CLIC4: variants seen among roughly 807,000 people sequenced by gnomAD.
CLIC4 encodes chloride intracellular channel protein 4.
In CLIC4, 13 loss-of-function variants were observed where a neutral mutation model predicts 24.6. The ratio of observed to expected loss-of-function variants is 0.53; its 90% confidence interval spans 0.34 to 0.84. The LOEUF is 0.84. Among genes scored for constraint, CLIC4 ranks in the 40% least tolerant of loss-of-function variants. CLIC4 has a pLI of 0.01. For synonymous variants in CLIC4, 104 were observed against 111.3 expected (o/e 0.93, Z 0.41); for missense variants, 227 against 301.7 (o/e 0.75, Z 1.83).
chr1:24,768,902 CCAAA>C (rs1639039693), intron 1 of CLIC4, among the ~76,000 whole-genome samples: 1 of 59,432 alleles, frequency 1.7e-5, no homozygotes. Flanking sequence ...CTCTGCCTCA[CCAAA>C]AAAAAAAAAA....
intron 2 of CLIC4, among the ~76,000 whole-genome samples, chr1:24,805,692 C>A (rs997759425): frequency 6.6e-6 from 1 of 152,102 alleles, no homozygotes; most frequent in Non-Finnish European, 1.5e-5. Flanking sequence ...GGGTCATCTT[C>A]AAGAGCCAGC....
chr1:24,782,507 TAAAA>T (rs556982611), intron 1 of CLIC4, among the ~76,000 whole-genome samples: 1 of 141,540 alleles, frequency 7.1e-6, no homozygotes. Context: ...GGTGAATGAA[TAAAA>T]AAAAAAAAGT....
intron 1 of CLIC4, among the ~76,000 whole-genome samples, chr1:24,746,625 C>T (rs962533865): frequency 1.3e-5 from 2 of 152,164 alleles, no homozygotes; most frequent in African/African-American, 4.8e-5. Context: ...AGGCAACATA[C>T]CGGAAAGTAA....
chr1:24,758,704 C>T (rs1327054759), intron 1 of CLIC4, among the ~76,000 whole-genome samples: 3 of 152,088 alleles, frequency 2.0e-5, no homozygotes, highest in East Asian at 1.9e-4. Flanking sequence ...GTGATCTGCC[C>T]GCCTTGGCCT....
At position 24,797,866 on chromosome 1, in the gene CLIC4, C is replaced by T; in HGVS notation, c.182+15C>T. On this transcript the variant is annotated intron_variant, in intron 2 of 5. Transcript: ENST00000374379. ...GACCTGAAAAGGTAAGACATGGTCG[C>T]AGTTTGCAATCAACTTAAGCTGAAC... 6.4e-7 allele frequency: 1 copy of T among 1,561,088 alleles called. No individual in the cohort carries two copies. The highest frequency in any genetic ancestry group is 1.1e-5 in the South Asian group (1 of 88,316).
At chr1:24,758,168 A>T (rs1412599901) in intron 1 of CLIC4, among the ~76,000 whole-genome samples, 1 of 152,112 alleles carries the variant, frequency 6.6e-6, no homozygotes, top group African/African-American at 2.4e-5. Flanking sequence ...TGCTCTTTTT[A>T]AAAAAGTGTC....
chr1:24,836,077 A>G (rs567248143), intron 4 of CLIC4, among the ~76,000 whole-genome samples: 37 of 152,360 alleles, frequency 2.4e-4, no homozygotes, highest in Non-Finnish European at 5.1e-4. Context: ...TGACAAAGCC[A>G]CACTGACATT....
chr1:24,796,267 A>G (rs1354624391), intron 1 of CLIC4, among the ~76,000 whole-genome samples: 2 of 151,806 alleles, frequency 1.3e-5, no homozygotes, highest in African/African-American at 4.8e-5. Context: ...CGGCTCAGTA[A>G]AATCTCTGCC....
rs766010308 is a variant in CLIC4, at chr1:24,840,847, A to G, written c.672A>G (p.Ala224=). The change falls in exon 6 of 6, where the codon GCA becomes GCG. Residue 224 remains alanine, a synonymous_variant. Coordinates refer to ENST00000374379, the MANE Select transcript of CLIC4 (RefSeq NM_013943.3). ...MTGIWRYLTN[A]YSRDEFTNTC... ...GCATCTGGAGATACCTAACTAATGC[A>G]TACAGTAGGGACGAGTTCACCAATA... 15 of 1,613,150 alleles carry G rather than the reference A, an allele frequency of 9.3e-6. No homozygotes were observed.
rs59529329 is a variant in CLIC4, at chr1:24,818,812, TAAAAAAAA to T, written c.308+4599_308+4606del. On this transcript the variant is annotated intron_variant, in intron 3 of 5. Coordinates refer to ENST00000374379, the MANE Select transcript of CLIC4 (RefSeq NM_013943.3). ...AGAGAACACTTGAACTGTCTTAATT[TAAAAAAAA>T]AAAAAGAAAAAAGATGTTCAGCAGT... is the stretch of plus-strand genomic sequence containing the variant. Among the ~76,000 whole-genome samples the T allele has an allele frequency of 2.7e-5, 4 of 146,518 alleles. No homozygotes were observed. The Admixed American group carries it at 2.7e-4, about 10-fold the overall frequency.
At chr1:24,779,217 C>G (rs981023375) in intron 1 of CLIC4, among the ~76,000 whole-genome samples, 6 of 152,110 alleles carry the variant, frequency 3.9e-5, no homozygotes, top group African/African-American at 1.4e-4. Context: ...CGCCTGTACT[C>G]CCAGCACGTT....
intron 2 of CLIC4, among the ~76,000 whole-genome samples, chr1:24,798,648 C>CG (rs1639433820): frequency 6.6e-6 from 1 of 152,286 alleles, no homozygotes; most frequent in Middle Eastern, 3.4e-3. Flanking sequence ...CCTCTCCCCA[C>CG]GGTGTCCCTC....
chr1:24,788,609 G>A (rs1639299828), intron 1 of CLIC4, among the ~76,000 whole-genome samples: 1 of 152,174 alleles, frequency 6.6e-6, no homozygotes, highest in South Asian at 2.1e-4. Context: ...TCAAGTTACA[G>A]CATGTATCCA....
intron 1 of CLIC4, among the ~76,000 whole-genome samples, chr1:24,754,883 C>T (rs1257836991): frequency 1.3e-5 from 2 of 151,758 alleles, no homozygotes; most frequent in Non-Finnish European, 2.9e-5. Flanking sequence ...GCCAGCCTGG[C>T]CAACATGGTG....
In CLIC4 at chr1:24,842,089, C is replaced by T. The variant is rs1639949676; in HGVS notation, c.*1152C>T. The T allele has an allele frequency of 6.6e-6, 1 of 152,410 alleles. No homozygotes were observed. Among genetic ancestry groups the T allele is most frequent in the African/African-American group, 2.4e-5 (1 of 41,422 alleles). The allele number at this position is 152,410 out of a possible 1,614,324, so 9.4% of individuals were successfully genotyped here. ...TAGAGGATTGTTCATTCCTTTGGGA[C>T]TAAGTTATAGTTATGGTGAGTGTGT... On this transcript the variant is annotated 3_prime_UTR_variant, in exon 6 of 6. Transcript: ENST00000374379.
chr1:24,790,360 C>G (rs1639319093), intron 1 of CLIC4, among the ~76,000 whole-genome samples: 2 of 152,206 alleles, frequency 1.3e-5, no homozygotes, highest in Non-Finnish European at 2.9e-5. Flanking sequence ...GTGTGAGCCA[C>G]CATGCCTAGC....
chr1:24,752,479 G>T (rs1638788822), intron 1 of CLIC4, among the ~76,000 whole-genome samples: 1 of 152,146 alleles, frequency 6.6e-6, no homozygotes, highest in African/African-American at 2.4e-5. Flanking sequence ...AAGTTGGTGG[G>T]TGACAAGTAC....
chr1:24,756,209 T>C (rs1220757804), intron 1 of CLIC4, among the ~76,000 whole-genome samples: 12 of 152,134 alleles, frequency 7.9e-5, no homozygotes, highest in African/African-American at 2.2e-4. Context: ...CCGTGTTAGC[T>C]AGGATGGTCT....
chr1:24,801,574 A>G (rs1639490951), intron 2 of CLIC4, among the ~76,000 whole-genome samples: 1 of 152,218 alleles, frequency 6.6e-6, no homozygotes, highest in Non-Finnish European at 1.5e-5. Flanking sequence ...ATATCAAGTC[A>G]TGAACAGTGT....
Sources: gnomAD v4.1 joint callset for allele counts (sites outside exome capture counted in the v4.1 genomes callset) on GRCh38, gnomAD v4.1.1 for gene constraint, MANE v1.5 for transcripts, NCBI Gene and HGNC (gene_info 2026-07-23, HGNC 2026-07-21) for gene names.